HYOU1: variants seen among roughly 807,000 people sequenced by gnomAD.
The protein encoded by HYOU1 is hypoxia up-regulated protein 1.
Under a neutral mutation model 120.5 loss-of-function variants are expected in HYOU1, and 40 were observed. The observed-to-expected ratio is 0.33, with a 90% CI of 0.26 to 0.43. HYOU1 has a LOEUF of 0.43. HYOU1 is among the 20% of genes least tolerant of loss of function. The pLI is 1.00. For missense variants in HYOU1, 1,085 were observed against 1,278.3 expected (o/e 0.85, Z 2.31); for synonymous variants, 501 against 479.4 (o/e 1.05, Z -0.59).
chr11:119,052,453 G>C lies in HYOU1; in HGVS notation c.988-24C>G. The C allele has an allele frequency of 6.2e-7, 1 of 1,614,022 alleles. No homozygotes were observed. The highest frequency in any genetic ancestry group is 1.1e-5 in the South Asian group (1 of 91,076). ...ATCTGGGAGAGGATGGGGACTGTCA[G>C]GGGGTTCTTGCCCAGCTCCCGCTCT... On this transcript the variant is annotated intron_variant, in intron 9 of 25. Transcript: ENST00000617285. This position sits in a 1 kb window ranked among gnomAD's most constrained non-coding sequence, Gnocchi z 5.0.
Position 119,057,179 on chromosome 11 carries a change from C to G in HYOU1, c.-167G>C, listed in dbSNP as rs1353769255. 2.6e-5 allele frequency: 4 copies of G among 151,366 alleles called. No homozygotes were observed. Among genetic ancestry groups the G allele is most frequent in the African/African-American group, 9.7e-5 (4 of 41,320 alleles). The allele number at this position is 151,366 out of a possible 1,614,324, so 9.4% of individuals were successfully genotyped here. On this transcript the variant is annotated 5_prime_UTR_variant, in exon 1 of 26. Transcript: ENST00000617285. ...TCTCGGCGGCGTCTCGCGCACCAGCCGGCCCCGGACGCGGCGCGCGCTCAT... is the reference window on the plus strand; with the variant it reads ...TCTCGGCGGCGTCTCGCGCACCAGCGGGCCCCGGACGCGGCGCGCGCTCAT...
chr11:119,054,790 T>C, intron 6 of HYOU1, 115 bp from the exon 7 acceptor site: 1 of 1,196,348 alleles, frequency 8.4e-7, no homozygotes, highest in African/African-American at 1.5e-5. Flanking sequence ...GGCTGTCCTG[T>C]GCACTGTAGG....
At position 119,052,576 on chromosome 11, in the gene HYOU1, G is replaced by A; in HGVS notation, c.987+61C>T. 1.3e-6 allele frequency: 2 copies of A among 1,571,276 alleles called. No homozygotes were observed. Among genetic ancestry groups the A allele is most frequent in the East Asian group, 2.2e-5 (1 of 44,530 alleles). ...CAGGCACGAGCAGCCCAGTTCAGTG[G>A]CAGGGTCCCCCACCCTCTACGTGGG... On this transcript the variant is annotated intron_variant, in intron 9 of 25. Coordinates refer to ENST00000617285, the MANE Select transcript of HYOU1 (RefSeq NM_006389.5). The surrounding 1 kb of genome is among the most constrained non-coding windows in gnomAD (Gnocchi z 5.0).
In HYOU1 at chr11:119,048,225, C is replaced by T; in HGVS notation, c.2376+23G>A. On this transcript the variant is annotated intron_variant, in intron 20 of 25. Coordinates refer to ENST00000617285, the MANE Select transcript of HYOU1 (RefSeq NM_006389.5). This position sits in a 1 kb window ranked among gnomAD's most constrained non-coding sequence, Gnocchi z 4.7. ...GGAAGGAGAGCTCCCACTCCACCTGCCATGTCCTGAGAGGCCCCTCACCAC... is the reference window on the plus strand; with the variant it reads ...GGAAGGAGAGCTCCCACTCCACCTGTCATGTCCTGAGAGGCCCCTCACCAC... The T allele has an allele frequency of 6.2e-7, 1 of 1,609,200 alleles. No homozygotes were observed. The highest frequency in any genetic ancestry group is 1.1e-5 in the South Asian group (1 of 90,790).
In HYOU1 at chr11:119,056,117, C is replaced by T. The variant is rs781899530; in HGVS notation, c.44G>A (p.Cys15Tyr). ...VRRQRPRRRV[C>Y]WALVAVLLAD... ...CAAGAGCACAGCCACCAAGGCCCAA[C>T]AGACTCGCCTCCTCGGCCTCTGCCT... is the stretch of plus-strand genomic sequence containing the variant. The change falls in exon 2 of 26, where the codon TGT becomes TAT. Residue 15 changes from cysteine (C) to tyrosine (Y), a missense_variant. By Grantham distance (194) the Cys-to-Tyr change is radical (BLOSUM62 -2). This residue lies in a region of HYOU1 where 45 missense variants were observed against 49.2 expected (regional missense o/e 0.91). Coordinates refer to ENST00000617285, the MANE Select transcript of HYOU1 (RefSeq NM_006389.5). The T allele has an allele frequency of 8.7e-6, 14 of 1,614,152 alleles. No individual in the cohort carries two copies. Among genetic ancestry groups the T allele is most frequent in the Non-Finnish European group, 1.1e-5 (13 of 1,180,040 alleles).
At chr11:119,050,558 A>G (rs913645539) in intron 14 of HYOU1, among the ~76,000 whole-genome samples, 1 of 151,790 alleles carries the variant, frequency 6.6e-6, no homozygotes, top group Admixed American at 6.6e-5. Flanking sequence ...TCTATAAATA[A>G]AGTACAAAAA....
Position 119,056,024 on chromosome 11 carries a change from C to T in HYOU1, c.91+46G>A. ...CCAAGCTCAATTCCCATCATGCATC[C>T]TTCAGTCATCATTTATCCATTTGCT... On this transcript the variant is annotated intron_variant, in intron 2 of 25. Transcript: ENST00000617285. 4 of 1,537,830 alleles carry T rather than the reference C, an allele frequency of 2.6e-6. No individual in the cohort carries two copies. The Admixed American group carries it at 6.7e-5, about 26-fold the overall frequency.
rs2133613334 is a variant in HYOU1 at position 119,055,444 on chromosome 11, A to G, written c.264+49T>C. Reference sequence around the variant, plus strand: ...AAGGAAACAGACTCTGGGGGCTGCCATCTCCTCTCCTCTGCCCACCACTCT... The same window carrying G: ...AAGGAAACAGACTCTGGGGGCTGCCGTCTCCTCTCCTCTGCCCACCACTCT... On this transcript the variant is annotated intron_variant, in intron 4 of 25. Coordinates refer to ENST00000617285, the MANE Select transcript of HYOU1 (RefSeq NM_006389.5). The surrounding 1 kb of genome is among the most constrained non-coding windows in gnomAD (Gnocchi z 4.0). 6.2e-7 allele frequency: 1 copy of G among 1,607,036 alleles called. No homozygotes were observed. The highest frequency in any genetic ancestry group is 8.5e-7 in the Non-Finnish European group (1 of 1,173,802).
At position 119,045,150 on chromosome 11, in the gene HYOU1, A is replaced by G. The variant is rs1378865351; in HGVS notation, c.*443T>C. The G allele has an allele frequency of 8.7e-6, 4 of 457,510 alleles. No individual in the cohort carries two copies. The allele number at this position is 457,510 out of a possible 1,614,324, so 28.3% of individuals were successfully genotyped here. A position where few individuals can be genotyped will look rare whatever the true frequency, so the allele number is the denominator to read the frequency against. ...ACCTGGTAACTGAGGCTCTGCAGACACTGGCCTGAAAGGATGCTCATCGCA... is the reference window on the plus strand; with the variant it reads ...ACCTGGTAACTGAGGCTCTGCAGACGCTGGCCTGAAAGGATGCTCATCGCA... On this transcript the variant is annotated 3_prime_UTR_variant, in exon 26 of 26. Transcript: ENST00000617285.
intron 6 of HYOU1, 139 bp from the exon 7 acceptor site, chr11:119,054,814 TC>T (rs1944656042): frequency 9.2e-7 from 1 of 1,082,134 alleles, no homozygotes; most frequent in Non-Finnish European, 1.3e-6. Flanking sequence ...TTGAGCAGCA[TC>T]CCCGGCCTCT....
Position 119,048,548 on chromosome 11 carries a change from T to A in HYOU1, c.2181A>T (p.Thr727=), listed in dbSNP as rs143389635. The A allele has an allele frequency of 6.9e-4, 1,117 of 1,613,520 alleles. 3 individuals carry two copies. Among genetic ancestry groups the A allele is most frequent in the Non-Finnish European group, 8.3e-4 (976 of 1,179,942 alleles). ...GTTCCTGCTTCTCCAGGTCTCGGAG[T>A]GTCAAGTCCTGAAGTCTATGGGACA... is the stretch of plus-strand genomic sequence containing the variant. ...AQSVQKLQDL[T]LRDLEKQERE... is the part of the protein sequence containing the mutation. The change falls in exon 19 of 26, where the codon ACA becomes ACT. Residue 727 remains threonine, a synonymous_variant. Transcript: ENST00000617285. This position sits in a 1 kb window ranked among gnomAD's most constrained non-coding sequence, Gnocchi z 4.7.
intron 1 of HYOU1, 51 bp from the exon 2 acceptor site, chr11:119,056,218 G>A: frequency 1.6e-6 from 2 of 1,288,908 alleles, no homozygotes; most frequent in South Asian, 2.4e-5. Context: ...CCGGAGTGAA[G>A]GAGACAGAAT....
chr11:119,047,972 G>A lies in HYOU1; in HGVS notation c.2485C>T (p.Leu829Phe). 1 of 1,614,214 alleles carries A rather than the reference G, an allele frequency of 6.2e-7. No homozygotes were observed. The highest frequency in any genetic ancestry group is 1.6e-4 in the Middle Eastern group (1 of 6,062). ...TTGAGGAACATGCTGGAATGGTTGA[G>A]GAGATTATCGAGGGCAGACAGCCGT... ...PERLSALDNL[L>F]NHSSMFLKGA... is the part of the protein sequence containing the mutation. Residue 829 changes from leucine to phenylalanine, a missense_variant, in exon 21 of 26, where the codon CTC (leucine) becomes TTC (phenylalanine). By Grantham distance (22) the Leu-to-Phe change is conservative (BLOSUM62 0). This residue lies in a region of HYOU1 where 516 missense variants were observed against 517.1 expected (regional missense o/e 1.00). Coordinates refer to ENST00000617285, the MANE Select transcript of HYOU1 (RefSeq NM_006389.5).
intron 6 of HYOU1, 148 bp downstream of exon 6, chr11:119,054,836 T>C (rs886141854): frequency 1.1e-5 from 11 of 1,023,726 alleles, no homozygotes; most frequent in East Asian, 2.5e-5. Context: ...ACCCACTAGA[T>C]AGCAGGTGCA....
In HYOU1 at chr11:119,045,291, C is replaced by T; in HGVS notation, c.*302G>A. On this transcript the variant is annotated 3_prime_UTR_variant, in exon 26 of 26. Coordinates refer to ENST00000617285, the MANE Select transcript of HYOU1 (RefSeq NM_006389.5). ...TCAGCCACTGGCAGCCATTCTCTTC[C>T]TACCCACAGGCAAAGGATTCAGAAA... is the stretch of plus-strand genomic sequence containing the variant. 1.8e-6 allele frequency: 1 copy of T among 550,256 alleles called. No homozygotes were observed. The highest frequency in any genetic ancestry group is 1.6e-5 in the South Asian group (1 of 62,974). The allele number at this position is 550,256 out of a possible 1,614,324, so 34.1% of individuals were successfully genotyped here.
At position 119,055,044 on chromosome 11, in the gene HYOU1, G is replaced by A. The variant is rs2133609556; in HGVS notation, c.436C>T (p.Pro146Ser). ...FQISSQLQFS[P>S]EEVLGMVLNY... ...AGAACCATGCCCAACACTTCCTCAG[G>A]TGAGAACTGCAGCTGCCTGAGGGGA... Residue 146 changes from proline to serine, a missense_variant, in exon 6 of 26, where the codon CCT becomes TCT. Coordinates refer to ENST00000617285, the MANE Select transcript of HYOU1 (RefSeq NM_006389.5). This position sits in a 1 kb window ranked among gnomAD's most constrained non-coding sequence, Gnocchi z 4.0. The A allele has an allele frequency of 3.7e-6, 6 of 1,614,164 alleles. No individual in the cohort carries two copies.
chr11:119,047,347 G>C (rs2133556365), intron 22 of HYOU1: 11 of 236,608 alleles, frequency 4.6e-5, no homozygotes, highest in African/African-American at 2.3e-4. Flanking sequence ...GCGCCCAGCT[G>C]AATACTCATT....
At chr11:119,054,043 G>A (rs2134703213) in intron 8 of HYOU1, 78 bp downstream of exon 8, 1 of 844,998 alleles carries the variant, frequency 1.2e-6, no homozygotes, top group Non-Finnish European at 2.0e-6. Flanking sequence ...GGAAAGCAAA[G>A]CAGTGTGTCT....
chr11:119,049,587 T>A lies in HYOU1; in HGVS notation c.1775A>T (p.Asp592Val). The change falls in exon 16 of 26, where the codon GAT (aspartate) becomes GTT (valine). Residue 592 changes from aspartate to valine, a missense_variant. By Grantham distance (152) the Asp-to-Val change is radical. Coordinates refer to ENST00000617285, the MANE Select transcript of HYOU1 (RefSeq NM_006389.5). ...AGTATCAGTACCATTCTCCTTGGCA[T>A]CTGGTGTGGTACCGCCTCCAAACAG... ...SSLFGGGTTPDAKENGTDTVQ... is the reference protein window; with the variant it reads ...SSLFGGGTTPVAKENGTDTVQ... 1 of 1,614,164 alleles carries A rather than the reference T, an allele frequency of 6.2e-7. No individual in the cohort carries two copies. The highest frequency in any genetic ancestry group is 8.5e-7 in the Non-Finnish European group (1 of 1,180,034).
Sources: allele counts gnomAD v4.1 joint callset (sites outside exome capture counted in the v4.1 genomes callset), GRCh38; gene constraint gnomAD v4.1.1; regional missense constraint gnomAD v4.1.1; non-coding constraint Gnocchi (gnomAD v3.1); transcripts MANE v1.5; gene names NCBI Gene and HGNC (gene_info 2026-07-23, HGNC 2026-07-21).